The following HPSE2 variants were observed in gnomAD, a reference collection of about 807,000 sequenced individuals.
HPSE2 encodes inactive heparanase-2.
HPSE2 carries 38 observed loss-of-function variants against 60.5 expected under a neutral mutation model. That is an observed-to-expected ratio of 0.63 (90% confidence interval 0.48 to 0.82). The LOEUF is 0.82. HPSE2 is among the 40% of genes least tolerant of loss of function. The pLI, the probability that HPSE2 is intolerant of heterozygous loss-of-function variation, is 0.00. For synonymous variants in HPSE2, 295 were observed against 293.2 expected (o/e 1.01, Z -0.06); for missense variants, 713 against 740.4 (o/e 0.96, Z 0.43).
intron 3 of HPSE2, among the ~76,000 whole-genome samples, chr10:99,100,175 C>T (rs928307041): frequency 2.6e-5 from 4 of 152,132 alleles, no homozygotes; most frequent in African/African-American, 9.7e-5. Context: ...AAGAAGGCTT[C>T]AGACAATCAA....
chr10:98,678,632 C>G (rs1177183964), intron 6 of HPSE2, among the ~76,000 whole-genome samples: 1 of 151,826 alleles, frequency 6.6e-6, no homozygotes, highest in Non-Finnish European at 1.5e-5. Context: ...CTGGATCACA[C>G]AGCCAGAAAT....
chr10:99,166,373 A>T (rs1408095029), intron 2 of HPSE2, among the ~76,000 whole-genome samples: 1 of 152,254 alleles, frequency 6.6e-6, no homozygotes, highest in Non-Finnish European at 1.5e-5. Flanking sequence ...GCTTTATAGG[A>T]AACTGTCAAA....
intron 3 of HPSE2, among the ~76,000 whole-genome samples, chr10:98,888,405 A>G (rs1432927299): frequency 1.3e-5 from 2 of 152,202 alleles, no homozygotes; most frequent in Non-Finnish European, 2.9e-5. Context: ...AAACATAATA[A>G]TTATAATTGA....
intron 3 of HPSE2, among the ~76,000 whole-genome samples, chr10:98,890,566 C>T (rs1953305592): frequency 6.6e-6 from 1 of 151,964 alleles, no homozygotes; most frequent in African/African-American, 2.4e-5. Flanking sequence ...AATAATGTTT[C>T]TCCTTTAATT....
intron 3 of HPSE2, among the ~76,000 whole-genome samples, chr10:98,975,719 G>A (rs1339780330): frequency 6.6e-6 from 1 of 152,166 alleles, no homozygotes; most frequent in Non-Finnish European, 1.5e-5. Context: ...GAAGAAGCAA[G>A]TAGATGTAAG....
chr10:99,226,982 T>C (rs1024900868), intron 2 of HPSE2, among the ~76,000 whole-genome samples: 2 of 152,048 alleles, frequency 1.3e-5, no homozygotes, highest in Non-Finnish European at 2.9e-5. Flanking sequence ...AATCAGTACA[T>C]ACTTATTAAA....
intron 3 of HPSE2, among the ~76,000 whole-genome samples, chr10:99,054,170 A>C (rs1328409993): frequency 2.0e-5 from 3 of 152,054 alleles, no homozygotes; most frequent in Non-Finnish European, 4.4e-5. Flanking sequence ...GAGAAGGGAG[A>C]CCCAGGAGTT....
At chr10:98,817,529 G>A (rs762570980) in intron 3 of HPSE2, among the ~76,000 whole-genome samples, 1 of 152,050 alleles carries the variant, frequency 6.6e-6, no homozygotes, top group Non-Finnish European at 1.5e-5. Flanking sequence ...ATTGCTTCTC[G>A]CTAGAGCAGT....
At chr10:99,137,862 A>C (rs1845719377) in intron 3 of HPSE2, among the ~76,000 whole-genome samples, 1 of 152,210 alleles carries the variant, frequency 6.6e-6, no homozygotes, top group African/African-American at 2.4e-5. Context: ...CACGAAAAGC[A>C]CTGGCAACAA....
intron 5 of HPSE2, among the ~76,000 whole-genome samples, chr10:98,701,710 G>C (rs761141559): frequency 5.9e-5 from 9 of 151,964 alleles, no homozygotes; most frequent in Non-Finnish European, 1.3e-4. Context: ...GCCAAACTAA[G>C]CTTCATAAAT....
intron 3 of HPSE2, among the ~76,000 whole-genome samples, chr10:98,993,958 A>G (rs1220607739): frequency 6.6e-6 from 1 of 152,240 alleles, no homozygotes; most frequent in East Asian, 1.9e-4. Context: ...TTTTGCCACA[A>G]TGATGACATC....
intron 3 of HPSE2, among the ~76,000 whole-genome samples, chr10:99,002,530 C>A (rs967313496): frequency 2.6e-5 from 4 of 151,982 alleles, no homozygotes; most frequent in Admixed American, 2.6e-4. Flanking sequence ...AATAGCAGAC[C>A]AATCTCATAC....
intron 3 of HPSE2, among the ~76,000 whole-genome samples, chr10:98,854,621 T>C (rs374008792): frequency 6.6e-6 from 1 of 152,132 alleles, no homozygotes; most frequent in Non-Finnish European, 1.5e-5. Flanking sequence ...ATATGAATAA[T>C]AGATAAAACT....
chr10:99,278,782 G>A, the HPSE2 span, among the ~76,000 whole-genome samples: 1 of 152,134 alleles, frequency 6.6e-6, no homozygotes, highest in Non-Finnish European at 1.5e-5. Flanking sequence ...TATTAAAATA[G>A]CCACTTCATA....
chr10:98,873,072 T>C (rs766406268), intron 3 of HPSE2, among the ~76,000 whole-genome samples: 19 of 152,068 alleles, frequency 1.2e-4, no homozygotes, highest in Admixed American at 6.6e-4. Flanking sequence ...AGGGCCCCTA[T>C]TTAACTTTAC....
At chr10:99,024,696 T>C (rs1347024621) in intron 3 of HPSE2, among the ~76,000 whole-genome samples, 1 of 152,010 alleles carries the variant, frequency 6.6e-6, no homozygotes, top group Non-Finnish European at 1.5e-5. Flanking sequence ...ACAAATAATA[T>C]ACGACATGTC....
intron 3 of HPSE2, among the ~76,000 whole-genome samples, chr10:98,763,396 A>G (rs1255438023): frequency 1.3e-5 from 2 of 152,076 alleles, no homozygotes; most frequent in Admixed American, 6.5e-5. Context: ...ACCCATACAT[A>G]CCCAGACACA....
chr10:98,926,784 T>C (rs1324582531), intron 3 of HPSE2, among the ~76,000 whole-genome samples: 1 of 152,198 alleles, frequency 6.6e-6, no homozygotes, highest in African/African-American at 2.4e-5. Context: ...ATCCTTATTT[T>C]TCCCATGCCA....
At chr10:99,100,254 G>A (rs1213344476) in intron 3 of HPSE2, among the ~76,000 whole-genome samples, 2 of 152,128 alleles carry the variant, frequency 1.3e-5, no homozygotes, top group African/African-American at 4.8e-5. Context: ...AAAAAGATTA[G>A]ATGAATGGCT....
Sources: gnomAD v4.1 joint callset for allele counts (sites outside exome capture counted in the v4.1 genomes callset) on GRCh38, gnomAD v4.1.1 for gene constraint, MANE v1.5 for transcripts, NCBI Gene and HGNC (gene_info 2026-07-23, HGNC 2026-07-21) for gene names.